Variants in KCNIP1 observed in about 807,000 individuals in gnomAD.
KCNIP1 encodes A-type potassium channel modulatory protein KCNIP1.
Under a neutral mutation model 33.0 loss-of-function variants are expected in KCNIP1, and 18 were observed. The ratio of observed to expected loss-of-function variants is 0.55; its 90% CI spans 0.38 to 0.81. KCNIP1 has a LOEUF of 0.81. Among genes scored for constraint, KCNIP1 ranks in the 30% least tolerant of loss-of-function variants. The pLI is 0.00. For missense variants in KCNIP1, 238 were observed against 271.6 expected (o/e 0.88, Z 0.87); for synonymous variants, 93 against 98.3 (o/e 0.95, Z 0.32).
At chr5:170,679,615 A>C (rs1034992774) in intron 1 of KCNIP1, among the ~76,000 whole-genome samples, 10 of 137,750 alleles carry the variant, frequency 7.3e-5, no homozygotes, top group African/African-American at 2.8e-4. Flanking sequence ...GAAATATTTT[A>C]TGTATATGAC....
At chr5:170,643,591 C>T (rs1760663882) in intron 1 of KCNIP1, among the ~76,000 whole-genome samples, 1 of 152,208 alleles carries the variant, frequency 6.6e-6, no homozygotes, top group Admixed American at 6.5e-5. Context: ...GGAAGTGAGA[C>T]TCGCCTTCCC....
At chr5:170,734,201 C>A (rs1764304662) in intron 7 of KCNIP1, among the ~76,000 whole-genome samples, 1 of 151,410 alleles carries the variant, frequency 6.6e-6, no homozygotes, top group Non-Finnish European at 1.5e-5. Context: ...TATTTTTTAG[C>A]CTGCCTCTGG....
At chr5:170,703,988 C>A (rs1288212133) in intron 1 of KCNIP1, among the ~76,000 whole-genome samples, 1 of 138,210 alleles carries the variant, frequency 7.2e-6, no homozygotes, top group Non-Finnish European at 1.5e-5. Context: ...GATTTTGATA[C>A]CTGCTGGGTG....
At chr5:170,647,753 C>T (rs1015676401) in intron 1 of KCNIP1, among the ~76,000 whole-genome samples, 3 of 151,926 alleles carry the variant, frequency 2.0e-5, no homozygotes, top group African/African-American at 7.3e-5. Flanking sequence ...AAGGCACAAT[C>T]TGTGAAAGAA....
At chr5:170,426,258 CACACACACACACACAA>C (rs1353851306) in intron 1 of KCNIP1, among the ~76,000 whole-genome samples, 1 of 151,798 alleles carries the variant, frequency 6.6e-6, no homozygotes, top group Non-Finnish European at 1.5e-5. Context: ...CACACACACA[CACACACACACACACAA>C]ACACACACAC....
chr5:170,676,255 A>G (rs1472922030), intron 1 of KCNIP1, among the ~76,000 whole-genome samples: 4 of 151,842 alleles, frequency 2.6e-5, no homozygotes, highest in Admixed American at 2.6e-4. Flanking sequence ...GAAGGGAGAT[A>G]TCATTATTAT....
intron 1 of KCNIP1, chr5:170,681,319 T>C: frequency 2.6e-6 from 1 of 389,678 alleles, no homozygotes; most frequent in Non-Finnish European, 4.5e-6. Flanking sequence ...CAGCGTGGTA[T>C]TGGTCCCCGC....
At chr5:170,525,679 G>T (rs2113324624) in intron 1 of KCNIP1, among the ~76,000 whole-genome samples, 1 of 152,336 alleles carries the variant, frequency 6.6e-6, no homozygotes, top group Admixed American at 6.5e-5. Flanking sequence ...ATGGTGACAA[G>T]CCCCTTCCCA....
intron 1 of KCNIP1, among the ~76,000 whole-genome samples, chr5:170,393,661 T>C (rs1258313027): frequency 1.3e-5 from 2 of 152,116 alleles, no homozygotes; most frequent in African/African-American, 4.8e-5. Flanking sequence ...GATGACAAAG[T>C]ATAACAACAG....
At chr5:170,707,782 C>T (rs929267655) in intron 1 of KCNIP1, among the ~76,000 whole-genome samples, 6 of 151,708 alleles carry the variant, frequency 4.0e-5, no homozygotes, top group African/African-American at 1.5e-4. Context: ...CAGAAACACT[C>T]AAAGGTTTTT....
intron 1 of KCNIP1, among the ~76,000 whole-genome samples, chr5:170,610,882 T>C (rs562769506): frequency 6.6e-6 from 1 of 152,336 alleles, no homozygotes; most frequent in Admixed American, 6.5e-5. Context: ...ATTGTTCAGA[T>C]GCATATTCCA....
At chr5:170,451,000 G>C (rs1222041076) in intron 1 of KCNIP1, among the ~76,000 whole-genome samples, 1 of 151,990 alleles carries the variant, frequency 6.6e-6, no homozygotes, top group Non-Finnish European at 1.5e-5. Flanking sequence ...TATGAAGAAG[G>C]GGATCACAAC....
At chr5:170,550,530 GAT>G (rs1756579069) in intron 1 of KCNIP1, among the ~76,000 whole-genome samples, 2 of 148,450 alleles carry the variant, frequency 1.3e-5, no homozygotes, top group African/African-American at 5.3e-5. Context: ...CAATGATGAT[GAT>G]GGTGATAATG....
At chr5:170,677,447 G>A (rs1370447854) in intron 1 of KCNIP1, among the ~76,000 whole-genome samples, 1 of 152,164 alleles carries the variant, frequency 6.6e-6, no homozygotes, top group Non-Finnish European at 1.5e-5. Flanking sequence ...ATTATTCCCA[G>A]GTAAGGAAAC....
upstream of KCNIP1, among the ~76,000 whole-genome samples, chr5:170,500,170 G>T (rs1225160630): frequency 6.6e-6 from 1 of 152,102 alleles, no homozygotes; most frequent in Non-Finnish European, 1.5e-5. Flanking sequence ...GGGGTCTTTG[G>T]AGTCTCTCCT....
chr5:170,693,962 T>A (rs1395974494), intron 1 of KCNIP1, among the ~76,000 whole-genome samples: 1 of 152,124 alleles, frequency 6.6e-6, no homozygotes, highest in Non-Finnish European at 1.5e-5. Flanking sequence ...GCAGCCCCAT[T>A]CACTCCAGAG....
chr5:170,597,802 T>A (rs1348805021), intron 1 of KCNIP1, among the ~76,000 whole-genome samples: 23 of 2,140 alleles, frequency 0.011, no homozygotes, highest in Admixed American at 0.018. Context: ...TATATATATA[T>A]ATATATATAT....
At chr5:170,360,478 G>A (rs1763477624) in intron 1 of KCNIP1, among the ~76,000 whole-genome samples, 1 of 152,120 alleles carries the variant, frequency 6.6e-6, no homozygotes. Flanking sequence ...CACAGGACCT[G>A]GCTCATACAA....
chr5:170,626,764 G>A (rs930727810), intron 1 of KCNIP1, among the ~76,000 whole-genome samples: 5 of 152,212 alleles, frequency 3.3e-5, no homozygotes, highest in Admixed American at 1.3e-4. Context: ...CACAAGTTGC[G>A]TGTTGTGACA....
Sources: allele counts gnomAD v4.1 joint callset (sites outside exome capture counted in the v4.1 genomes callset), GRCh38; gene constraint gnomAD v4.1.1; transcripts MANE v1.5; gene names NCBI Gene and HGNC (gene_info 2026-07-23, HGNC 2026-07-21).